Variants in ST6GALNAC3 observed in about 807,000 individuals in gnomAD.
ST6GALNAC3 encodes the protein ST6 N-acetylgalactosaminide alpha-2,6-sialyltransferase 3, also known as alpha-N-acetylgalactosaminide alpha-2,6-sialyltransferase 3.
A neutral mutation model predicts 32.7 loss-of-function variants in ST6GALNAC3; 25 were observed. The ratio of observed to expected loss-of-function variants is 0.76; its 90% CI spans 0.56 to 1.07. The LOEUF (loss-of-function observed/expected upper bound fraction) is 1.07. Among genes scored for constraint, ST6GALNAC3 ranks in the 50% least tolerant of loss-of-function variants. The pLI, the probability that ST6GALNAC3 is intolerant of heterozygous loss-of-function variation, is 0.00. For synonymous variants in ST6GALNAC3, 129 were observed against 133.1 expected, an observed-to-expected ratio of 0.97 and a Z score of 0.21; for missense variants, 355 against 382.4, an observed-to-expected ratio of 0.93 and a Z score of 0.60.
intron 1 of ST6GALNAC3, among the ~76,000 whole-genome samples, chr1:76,110,526 A>G (rs1268316863): frequency 6.6e-6 from 1 of 152,262 alleles, no homozygotes; most frequent in African/African-American, 2.4e-5. Flanking sequence ...ACTAACCTGC[A>G]CTGTGGCTTT....
chr1:76,542,779 A>AT (rs1272982466), intron 3 of ST6GALNAC3, among the ~76,000 whole-genome samples: 12 of 152,222 alleles, frequency 7.9e-5, no homozygotes, highest in African/African-American at 2.9e-4. Context: ...CTGTTTGCTC[A>AT]TTTTGAAGAG....
intron 1 of ST6GALNAC3, among the ~76,000 whole-genome samples, chr1:76,201,975 T>C (rs1195774395): frequency 1.3e-5 from 2 of 152,136 alleles, no homozygotes; most frequent in Non-Finnish European, 2.9e-5. Flanking sequence ...TCTGGGAGCA[T>C]TGACTTGGTA....
chr1:76,297,763 T>A (rs1416561879), intron 1 of ST6GALNAC3, among the ~76,000 whole-genome samples: 1 of 152,062 alleles, frequency 6.6e-6, no homozygotes, highest in African/African-American at 2.4e-5. Flanking sequence ...CAATTAATGG[T>A]ACTGCAATTT....
At chr1:76,130,622 C>T (rs1016158541) in intron 1 of ST6GALNAC3, among the ~76,000 whole-genome samples, 2 of 152,184 alleles carry the variant, frequency 1.3e-5, no homozygotes, top group African/African-American at 2.4e-5. Context: ...ATGATGGAAC[C>T]CTCCTGGGCT....
At chr1:76,228,787 A>G in intron 1 of ST6GALNAC3, among the ~76,000 whole-genome samples, 1 of 152,242 alleles carries the variant, frequency 6.6e-6, no homozygotes, top group Admixed American at 6.5e-5. Flanking sequence ...GTGAATTTTT[A>G]GATTCAAATT....
chr1:76,317,653 G>C (rs1208644844), intron 2 of ST6GALNAC3, among the ~76,000 whole-genome samples: 2 of 152,032 alleles, frequency 1.3e-5, no homozygotes, highest in Admixed American at 6.6e-5. Context: ...AAATATGCAG[G>C]CATGCCAGCA....
intron 3 of ST6GALNAC3, among the ~76,000 whole-genome samples, chr1:76,575,723 G>A (rs1430666209): frequency 6.6e-6 from 1 of 152,032 alleles, no homozygotes; most frequent in Non-Finnish European, 1.5e-5. Flanking sequence ...GATGGTATTT[G>A]GGCATCAGGG....
chr1:76,206,329 A>G (rs1412265278), intron 1 of ST6GALNAC3, among the ~76,000 whole-genome samples: 3 of 152,190 alleles, frequency 2.0e-5, no homozygotes, highest in Non-Finnish European at 2.9e-5. Context: ...GGGGTGCGGA[A>G]AGAGTGTGAC....
rs1204125489 is a variant in ST6GALNAC3, at chr1:76,629,906, A to G, written c.*1100A>G. ...ACATGGAGAGGAAATGATTCCTTAT[A>G]TTAAACCTGACCAGAGCTTTTTGCC... On this transcript the variant is annotated 3_prime_UTR_variant, in exon 5 of 5. Coordinates refer to ENST00000328299, the MANE Select transcript of ST6GALNAC3 (RefSeq NM_152996.4). 2 of 985,170 alleles carry G rather than the reference A, an allele frequency of 2.0e-6. No individual in the cohort carries two copies. The highest frequency in any genetic ancestry group is 2.4e-6 in the Non-Finnish European group (2 of 829,796). 61.0% of individuals were successfully genotyped at this position (985,170 alleles called of 1,614,324 possible).
intron 1 of ST6GALNAC3, among the ~76,000 whole-genome samples, chr1:76,096,742 T>TCCCCAGAAACAG (rs1647138709): frequency 7.2e-6 from 1 of 138,048 alleles, no homozygotes; most frequent in African/African-American, 3.6e-5. Context: ...GAAACAGTCC[T>TCCCCAGAAACAG]TCTCCCCACT....
At chr1:76,276,263 C>T (rs555511892) in intron 1 of ST6GALNAC3, among the ~76,000 whole-genome samples, 1 of 151,846 alleles carries the variant, frequency 6.6e-6, no homozygotes, top group South Asian at 2.1e-4. Context: ...TTTTAAACTT[C>T]CTTAGCAATG....
chr1:76,422,548 G>A (rs1186480093), intron 3 of ST6GALNAC3, among the ~76,000 whole-genome samples: 7 of 151,932 alleles, frequency 4.6e-5, no homozygotes, highest in Admixed American at 2.6e-4. Context: ...GTAGAACAGC[G>A]GTTCTCAAAC....
chr1:76,577,042 T>C (rs1646821788), intron 3 of ST6GALNAC3: 3 of 1,163,560 alleles, frequency 2.6e-6, no homozygotes, highest in Non-Finnish European at 3.2e-6. Flanking sequence ...TAAAGTTCTT[T>C]CCCTTTGTAG....
intron 1 of ST6GALNAC3, among the ~76,000 whole-genome samples, chr1:76,144,660 T>C (rs1427026790): frequency 1.3e-5 from 2 of 152,232 alleles, no homozygotes; most frequent in African/African-American, 4.8e-5. Flanking sequence ...ACCACTTCTT[T>C]TAATAAATAC....
chr1:76,391,530 T>A (rs1459408345), intron 2 of ST6GALNAC3, among the ~76,000 whole-genome samples: 18 of 16,712 alleles, frequency 1.1e-3, no homozygotes, highest in South Asian at 3.3e-3. Context: ...AGACCTTCCT[T>A]CCTTCCTTCC....
At chr1:76,516,374 T>C (rs1241625831) in intron 3 of ST6GALNAC3, among the ~76,000 whole-genome samples, 1 of 152,236 alleles carries the variant, frequency 6.6e-6, no homozygotes, top group African/African-American at 2.4e-5. Flanking sequence ...TTTTCCTGTT[T>C]GCTTTTGTTT....
At chr1:76,341,749 G>A (rs1208431540) in intron 2 of ST6GALNAC3, among the ~76,000 whole-genome samples, 1 of 146,816 alleles carries the variant, frequency 6.8e-6, no homozygotes, top group Non-Finnish European at 1.5e-5. Context: ...TGGGATACTT[G>A]TACAGAATGT....
At chr1:76,205,900 T>C (rs1249766672) in intron 1 of ST6GALNAC3, among the ~76,000 whole-genome samples, 6 of 152,210 alleles carry the variant, frequency 3.9e-5, no homozygotes, top group Non-Finnish European at 7.3e-5. Flanking sequence ...CATCTTGAAA[T>C]GGAATGAAGT....
chr1:76,139,769 C>T (rs1055634435), intron 1 of ST6GALNAC3, among the ~76,000 whole-genome samples: 1 of 152,134 alleles, frequency 6.6e-6, no homozygotes, highest in East Asian at 1.9e-4. Flanking sequence ...CCTAATCAGC[C>T]GGGCAAGTCA....
Sources: allele counts gnomAD v4.1 joint callset (sites outside exome capture counted in the v4.1 genomes callset), GRCh38; gene constraint gnomAD v4.1.1; transcripts MANE v1.5; gene names NCBI Gene and HGNC (gene_info 2026-07-23, HGNC 2026-07-21).